Variants in RBFOX3 observed in about 807,000 individuals in gnomAD.
RBFOX3 encodes RNA binding fox-1 homolog 3.
In RBFOX3, 17 loss-of-function variants were observed where a neutral mutation model predicts 48.7. The ratio of observed to expected loss-of-function variants is 0.35; its 90% CI spans 0.24 to 0.52. The LOEUF (loss-of-function observed/expected upper bound fraction) is 0.52, where lower values mean the gene tolerates loss of function less well. RBFOX3 is among the 20% of genes least tolerant of loss of function. The pLI, the probability that RBFOX3 is intolerant of heterozygous loss-of-function variation, is 0.94. For synonymous variants in RBFOX3, 212 were observed against 209.5 expected, an observed-to-expected ratio of 1.01 and a Z score of -0.10; for missense variants, 382 against 497.5, an observed-to-expected ratio of 0.77 and a Z score of 2.21.
At chr17:79,180,558 A>G (rs1341182588) in intron 4 of RBFOX3, among the ~76,000 whole-genome samples, 1 of 152,202 alleles carries the variant, frequency 6.6e-6, no homozygotes, top group East Asian at 1.9e-4. Flanking sequence ...CTGGCCGGGT[A>G]TGGCCCTAGG....
chr17:79,654,431 A>T, the RBFOX3 span, among the ~76,000 whole-genome samples: 1 of 152,270 alleles, frequency 6.6e-6, no homozygotes, highest in Non-Finnish European at 1.5e-5. Flanking sequence ...TGAAAGAAGC[A>T]TTAGAAAAGG....
intron 2 of RBFOX3, among the ~76,000 whole-genome samples, chr17:79,393,575 G>A (rs2061606691): frequency 6.6e-6 from 1 of 152,146 alleles, no homozygotes; most frequent in South Asian, 2.1e-4. Context: ...ACACATCGGA[G>A]CTGGTCATCA....
chr17:79,290,201 G>A (rs1056778514), intron 3 of RBFOX3, among the ~76,000 whole-genome samples: 1 of 152,030 alleles, frequency 6.6e-6, no homozygotes, highest in Non-Finnish European at 1.5e-5. Flanking sequence ...AGCTGGAGGA[G>A]GCATCATAGA....
the RBFOX3 span, among the ~76,000 whole-genome samples, chr17:79,626,542 T>C: frequency 3.9e-5 from 6 of 152,210 alleles, no homozygotes; most frequent in African/African-American, 1.4e-4. Context: ...CATTCTCCTT[T>C]TTTGTGCCAA....
chr17:79,663,339 C>T, the RBFOX3 span, among the ~76,000 whole-genome samples: 1,505 of 152,296 alleles, frequency 9.9e-3, 34 homozygotes, highest in African/African-American at 0.035. Flanking sequence ...TGAATCTATT[C>T]GCCTTTTCAT....
intron 9 of RBFOX3, 108 bp downstream of exon 9, chr17:79,101,476 A>C (rs1290359123): frequency 1.0e-6 from 1 of 1,000,360 alleles, no homozygotes; most frequent in East Asian, 2.6e-5. Flanking sequence ...CTGGGGACGG[A>C]GGCTGCCTAG....
At chr17:79,415,245 A>G (rs2065138500) in intron 2 of RBFOX3, among the ~76,000 whole-genome samples, 1 of 152,218 alleles carries the variant, frequency 6.6e-6, no homozygotes, top group Non-Finnish European at 1.5e-5. Context: ...AGCCCAGATG[A>G]GTTCCAAAGA....
chr17:79,499,614 G>C (rs936734680), intron 1 of RBFOX3, among the ~76,000 whole-genome samples: 2 of 152,206 alleles, frequency 1.3e-5, no homozygotes, highest in African/African-American at 4.8e-5. Context: ...GATAATCCTG[G>C]ATCAAAATCC....
intron 4 of RBFOX3, among the ~76,000 whole-genome samples, chr17:79,210,458 C>T (rs2058226310): frequency 6.6e-6 from 1 of 152,224 alleles, no homozygotes; most frequent in South Asian, 2.1e-4. Flanking sequence ...GGTCTCACGG[C>T]CGCACAATAT....
chr17:79,359,659 G>A (rs2085910778), intron 2 of RBFOX3, among the ~76,000 whole-genome samples: 1 of 152,054 alleles, frequency 6.6e-6, no homozygotes, highest in South Asian at 2.1e-4. Context: ...GGGCTCCAGG[G>A]AGGGCTGGCT....
intron 4 of RBFOX3, among the ~76,000 whole-genome samples, chr17:79,143,056 C>A (rs544220818): frequency 1.1e-4 from 17 of 152,294 alleles, no homozygotes; most frequent in African/African-American, 4.1e-4. Context: ...ACATCTGCTT[C>A]CCATCTGTAA....
intron 2 of RBFOX3, among the ~76,000 whole-genome samples, chr17:79,442,015 C>A (rs555895641): frequency 6.6e-6 from 1 of 152,006 alleles, no homozygotes; most frequent in Admixed American, 6.5e-5. Context: ...GCTCCAGCCC[C>A]AAACTTCTCA....
chr17:79,129,284 G>A (rs1056811974), intron 4 of RBFOX3, among the ~76,000 whole-genome samples: 16 of 152,214 alleles, frequency 1.1e-4, no homozygotes, highest in African/African-American at 3.9e-4. Context: ...AACTCAGAGT[G>A]GGGAAGTTAC....
intron 2 of RBFOX3, among the ~76,000 whole-genome samples, chr17:79,344,556 T>TTTATTTATTTAA (rs1322803271): frequency 1.2e-4 from 18 of 151,594 alleles, no homozygotes; most frequent in Non-Finnish European, 2.2e-4. Flanking sequence ...TATTTATTTA[T>TTTATTTATTTAA]TTATTTATTT....
intron 13 of RBFOX3, 29 bp from the exon 14 acceptor site, chr17:79,094,558 G>A: frequency 1.9e-6 from 1 of 521,652 alleles, no homozygotes; most frequent in Non-Finnish European, 2.9e-6. Context: ...GGGGGAGTGG[G>A]AGGAGGGTGG....
chr17:79,113,795 C>T (rs929899940), intron 5 of RBFOX3, among the ~76,000 whole-genome samples: 3 of 152,170 alleles, frequency 2.0e-5, no homozygotes, highest in African/African-American at 7.2e-5. Context: ...AGGGCTGGGT[C>T]CTTTCTTCTT....
intron 1 of RBFOX3, among the ~76,000 whole-genome samples, chr17:79,566,761 C>T (rs1473798464): frequency 2.0e-5 from 3 of 152,324 alleles, no homozygotes; most frequent in Admixed American, 6.5e-5. Flanking sequence ...GTGGTTCATT[C>T]GTTCTGTGGG....
chr17:79,167,766 G>T (rs999047739), intron 4 of RBFOX3, among the ~76,000 whole-genome samples: 2 of 152,196 alleles, frequency 1.3e-5, no homozygotes, highest in Admixed American at 6.5e-5. Context: ...CCCTACCTGG[G>T]GTCCAGGGCA....
At chr17:79,209,236 C>T (rs1041930521) in intron 4 of RBFOX3, among the ~76,000 whole-genome samples, 1 of 152,226 alleles carries the variant, frequency 6.6e-6, no homozygotes, top group African/African-American at 2.4e-5. Flanking sequence ...CTGTGATGTG[C>T]CCCCATCCCA....
Sources: allele counts gnomAD v4.1 joint callset (sites outside exome capture counted in the v4.1 genomes callset), GRCh38; gene constraint gnomAD v4.1.1; transcripts MANE v1.5; gene names NCBI Gene and HGNC (gene_info 2026-07-23, HGNC 2026-07-21).